SLC38A10: variants seen among roughly 807,000 people sequenced by gnomAD.
The protein encoded by SLC38A10 is Sodium-coupled neutral amino acid transporter 10.
In SLC38A10, 53 loss-of-function variants were observed where a neutral mutation model predicts 81.0. That is an observed-to-expected ratio of 0.65 (90% CI 0.53 to 0.82). The LOEUF (loss-of-function observed/expected upper bound fraction) is 0.82. SLC38A10 is among the 40% of genes least tolerant of loss of function. The probability of loss-of-function intolerance (pLI) is 0.00; values close to 1 mark genes in which losing one functional copy is unlikely to be tolerated. For synonymous variants in SLC38A10, 665 were observed against 655.3 expected, an observed-to-expected ratio of 1.01 and a Z score of -0.23; for missense variants, 1,471 against 1,545.0, an observed-to-expected ratio of 0.95 and a Z score of 0.80.
rs765169845 is a variant in SLC38A10 at position 81,270,934 on chromosome 17, T to C, written c.1115A>G (p.Asn372Ser). Residue 372 changes from asparagine (N) to serine (S), a missense_variant, in exon 10 of 16, where the codon AAC becomes AGC. Coordinates refer to ENST00000374759, the MANE Select transcript of SLC38A10 (RefSeq NM_001037984.3). This position sits in a 1 kb window ranked among gnomAD's most constrained non-coding sequence, Gnocchi z 4.0. ...AGCACGCACCTGGGAGGAAAGTGCGTTCTTGTGGATTTTCTTGTAGATCAG... is the reference window on the plus strand; with the variant it reads ...AGCACGCACCTGGGAGGAAAGTGCGCTCTTGTGGATTTTCTTGTAGATCAG... ...PALIYKKIHK[N>S]ALSSQVVLWV... The C allele has an allele frequency of 6.2e-7, 1 of 1,613,816 alleles. No homozygotes were observed. Among genetic ancestry groups the C allele is most frequent in the Non-Finnish European group, 8.5e-7 (1 of 1,179,944 alleles).
chr17:81,255,993 C>A (rs1484091099), intron 11 of SLC38A10, among the ~76,000 whole-genome samples: 1 of 143,124 alleles, frequency 7.0e-6, no homozygotes, highest in Non-Finnish European at 1.5e-5. Context: ...AAAAAAAAAT[C>A]ATCTCCAGTC....
intron 14 of SLC38A10, among the ~76,000 whole-genome samples, chr17:81,250,261 T>C (rs553983711): frequency 1.1e-4 from 16 of 152,332 alleles, no homozygotes; most frequent in Admixed American, 8.5e-4. Context: ...AAACCCCACA[T>C]GCCCGAACTC....
At position 81,251,597 on chromosome 17, in the gene SLC38A10, A is replaced by C. The variant is rs1353533353; in HGVS notation, c.1961T>G (p.Leu654Arg). 6.7e-7 allele frequency: 1 copy of C among 1,490,712 alleles called. No homozygotes were observed. The highest frequency in any genetic ancestry group is 8.9e-7 in the Non-Finnish European group (1 of 1,127,690). 92.3% of individuals were successfully genotyped at this position (1,490,712 alleles called of 1,614,324 possible). A position where few individuals can be genotyped will look rare whatever the true frequency, so the allele number is the denominator to read the frequency against. ...CCCTGGAGCCGGCTTCTCCGCTGGG[A>C]GGGGAGGCTTCCCACCTGCACACAC... ...EDSDHGGKPP[L>R]PAEKPAPGPG... The change falls in exon 14 of 16, where the codon CTC (leucine) becomes CGC (arginine). Residue 654 changes from leucine to arginine, a missense_variant. Leu to Arg is a moderately radical substitution (Grantham distance 102, BLOSUM62 -2). This residue lies in a region of SLC38A10 where 751 missense variants were observed against 717.4 expected (regional missense o/e 1.05). Coordinates refer to ENST00000374759, the MANE Select transcript of SLC38A10 (RefSeq NM_001037984.3).
At chr17:81,263,074 C>G (rs373316604) in intron 10 of SLC38A10, 1 of 152,202 alleles carries the variant, frequency 6.6e-6, no homozygotes, top group African/African-American at 2.4e-5. Context: ...GCCCTGAGTG[C>G]GAAGCTGATC....
rs2062850219 is a variant in SLC38A10, at chr17:81,246,302, C to T, written c.2614G>A (p.Glu872Lys). The change falls in exon 16 of 16, where the codon GAG (glutamate) becomes AAG (lysine). Residue 872 changes from glutamate (E) to lysine (K), a missense_variant. By Grantham distance (56) the Glu-to-Lys change is moderately conservative (BLOSUM62 1). Around this residue, in one of 2 missense-constraint regions of SLC38A10, gnomAD observed 751 missense variants for 717.4 expected, o/e 1.05. Coordinates refer to ENST00000374759, the MANE Select transcript of SLC38A10 (RefSeq NM_001037984.3). ...CCAGGGAATTCCTCTGCGAGGCGCT[C>T]CTCTGGGCCCCCGGCTTCCCTGGCG... ...DPAREAGGPEERLAEEFPGQS... is the reference protein window; with the variant it reads ...DPAREAGGPEKRLAEEFPGQS... 6.2e-7 allele frequency: 1 copy of T among 1,611,348 alleles called. No homozygotes were observed. Among genetic ancestry groups the T allele is most frequent in the Non-Finnish European group, 8.5e-7 (1 of 1,179,892 alleles).
chr17:81,291,486 C>CAA (rs397856930), intron 1 of SLC38A10, among the ~76,000 whole-genome samples: 4 of 112,036 alleles, frequency 3.6e-5, no homozygotes, highest in South Asian at 3.2e-4. Flanking sequence ...GACTCCATCT[C>CAA]AAAAAAAAAA....
intron 2 of SLC38A10, 110 bp from the exon 3 acceptor site, chr17:81,285,005 A>T: frequency 4.4e-6 from 4 of 905,476 alleles, no homozygotes. Context: ...CCACGGGCCC[A>T]GATTCTCCGG....
rs778062018 is a variant in SLC38A10, at chr17:81,246,338, C to T, written c.2578G>A (p.Val860Met). Residue 860 changes from valine to methionine, a missense_variant, in exon 16 of 16, where the codon GTG (valine) becomes ATG (methionine). By Grantham distance (21) the Val-to-Met change is conservative. Transcript: ENST00000374759. ...CCGGCTTCCCTGGCGGGGTCTGGCA[C>T]GGGCACCTGCTCCGGGCCCTTGGGG... ...ELPKGPEQVPVPDPAREAGGP... is the reference protein window; with the variant it reads ...ELPKGPEQVPMPDPAREAGGP... The T allele has an allele frequency of 8.4e-5, 135 of 1,607,742 alleles. No homozygotes were observed. In the Admixed American group the frequency reaches 1.9e-3, roughly 23 times the overall value.
At chr17:81,250,519 C>T (rs1268367433) in intron 14 of SLC38A10, among the ~76,000 whole-genome samples, 1 of 152,242 alleles carries the variant, frequency 6.6e-6, no homozygotes, top group South Asian at 2.1e-4. Flanking sequence ...AGCTCCCACA[C>T]CTGCTCCCAG....
rs1447327404 is a variant in SLC38A10 at position 81,246,901 on chromosome 17, C to T, written c.2226G>A (p.Glu742=). 2.5e-6 allele frequency: 4 copies of T among 1,600,354 alleles called. No individual in the cohort carries two copies. The highest frequency in any genetic ancestry group is 2.2e-5 in the South Asian group (2 of 90,558). Residue 742 remains glutamate (E), a synonymous_variant, in exon 15 of 16, where the codon GAG becomes GAA. Transcript: ENST00000374759. ...CCGGCCTACCCTGCCTGGGTTTATC[C>T]TCCTCGTCCTCCTGCCTCTGCTGGT... ...EIHQQRQEDE[E]DKPRQVEVHQ...
intron 10 of SLC38A10, among the ~76,000 whole-genome samples, chr17:81,261,378 C>T (rs2063022280): frequency 6.6e-6 from 1 of 152,240 alleles, no homozygotes; most frequent in Admixed American, 6.5e-5. Context: ...GAAGCGCTAA[C>T]TCCCGGTTGG....
rs1462418886 is a variant in SLC38A10 at position 81,270,578 on chromosome 17, G to A, written c.1131+340C>T. On this transcript the variant is annotated intron_variant, in intron 10 of 15. Coordinates refer to ENST00000374759, the MANE Select transcript of SLC38A10 (RefSeq NM_001037984.3). The surrounding 1 kb of genome is among the most constrained non-coding windows in gnomAD (Gnocchi z 4.0). ...AACGGTGGGTGGTGGCCTCAGGGGT[G>A]GGCGGCTGGGGAGGGGACTCAGAGG... Among the ~76,000 whole-genome samples, 5 of 152,142 alleles carry A rather than the reference G, an allele frequency of 3.3e-5. No homozygotes were observed. In the East Asian group the frequency reaches 7.7e-4, roughly 23 times the overall value.
In SLC38A10 at chr17:81,272,519, T is replaced by C. The variant is rs773337587; in HGVS notation, c.1021A>G (p.Asn341Asp). 1 of 1,585,874 alleles carries C rather than the reference T, an allele frequency of 6.3e-7. No homozygotes were observed. The highest frequency in any genetic ancestry group is 8.6e-7 in the Non-Finnish European group (1 of 1,168,176). ...GTMVGGILIP[N>D]VETILGLTGA... ...CAGGGCAGCCCTCCCGCCTTACCGT[T>C]GGGGATAAGGATGCCACCAACCATG... The change falls in exon 9 of 16, where the codon AAC becomes GAC. Residue 341 changes from asparagine to aspartate, a missense_variant. Physicochemically the swap from Asn to Asp is conservative, Grantham distance 23. Around this residue, in one of 2 missense-constraint regions of SLC38A10, gnomAD observed 720 missense variants for 827.7 expected, o/e 0.87. Transcript: ENST00000374759.
Position 81,246,001 on chromosome 17 carries a change from T to C in SLC38A10, c.2915A>G (p.Gln972Arg), listed in dbSNP as rs771517554. 1.9e-6 allele frequency: 3 copies of C among 1,607,036 alleles called. No individual in the cohort carries two copies. The highest frequency in any genetic ancestry group is 1.7e-5 in the Admixed American group (1 of 59,700). ...GCCATGGTCCAGCCGGTGGCCCTGC[T>C]GTCCACCCTGCTCGCCATCAGAGAT... The part of the protein sequence containing the change: ...RVISDGEQGG[Q>R]QGHRLDHGGH... Residue 972 changes from glutamine (Q) to arginine (R), a missense_variant, in exon 16 of 16, where the codon CAG becomes CGG. By Grantham distance (43) the Gln-to-Arg change is conservative (BLOSUM62 1). Around this residue, in one of 2 missense-constraint regions of SLC38A10, gnomAD observed 751 missense variants for 717.4 expected, o/e 1.05. Coordinates refer to ENST00000374759, the MANE Select transcript of SLC38A10 (RefSeq NM_001037984.3).
rs369623544 is a variant in SLC38A10, at chr17:81,286,119, G to C, written c.218-1224C>G. Among the ~76,000 whole-genome samples the C allele has an allele frequency of 1.2e-4, 18 of 152,188 alleles. No homozygotes were observed. The highest frequency in any genetic ancestry group is 3.6e-4 in the African/African-American group (15 of 41,446). On this transcript the variant is annotated intron_variant, in intron 2 of 15. Transcript: ENST00000374759. The surrounding 1 kb of genome is among the most constrained non-coding windows in gnomAD (Gnocchi z 6.0). Reference sequence around the variant, plus strand: ...GCAGCCCACAGCCCAGGGCCCTGCTGTCACCAAGGAACGCCCTCCACACCC... The same window carrying C: ...GCAGCCCACAGCCCAGGGCCCTGCTCTCACCAAGGAACGCCCTCCACACCC...
rs957922245 is a variant in SLC38A10, at chr17:81,252,329, T to G, written c.1811A>C (p.His604Pro). The G allele has an allele frequency of 6.2e-7, 1 of 1,612,826 alleles. No homozygotes were observed. The highest frequency in any genetic ancestry group is 8.5e-7 in the Non-Finnish European group (1 of 1,179,826). ...AGACAGCACTGCCTGGGGCCGAGGATGCAGGCCCCTGTCTCCTGGCCCCAG... is the reference window on the plus strand; with the variant it reads ...AGACAGCACTGCCTGGGGCCGAGGAGGCAGGCCCCTGTCTCCTGGCCCCAG... ...EDLGPGDRGLHPRPQAVLSEQ... is the reference protein window; with the variant it reads ...EDLGPGDRGLPPRPQAVLSEQ... The change falls in exon 13 of 16, where the codon CAT (histidine) becomes CCT (proline). Residue 604 changes from histidine to proline, a missense_variant. Physicochemically the swap from His to Pro is moderately conservative, Grantham distance 77. Coordinates refer to ENST00000374759, the MANE Select transcript of SLC38A10 (RefSeq NM_001037984.3).
At chr17:81,260,895 C>G (rs936906072) in intron 10 of SLC38A10, among the ~76,000 whole-genome samples, 5 of 152,272 alleles carry the variant, frequency 3.3e-5, no homozygotes, top group African/African-American at 1.2e-4. Context: ...CCATGCTGTC[C>G]GCAAAGCGAG....
chr17:81,273,155 G>A (rs1301290604), intron 8 of SLC38A10, among the ~76,000 whole-genome samples: 2 of 152,218 alleles, frequency 1.3e-5, no homozygotes, highest in Non-Finnish European at 2.9e-5. Flanking sequence ...AGAAGGGCAC[G>A]ATGAGGCCCT....
intron 5 of SLC38A10, 97 bp downstream of exon 5, chr17:81,282,092 G>C (rs569870426): frequency 6.5e-7 from 1 of 1,532,596 alleles, no homozygotes; most frequent in Non-Finnish European, 9.0e-7. Flanking sequence ...GGCAGCAGGC[G>C]GCCACACCAG....
Sources: gnomAD v4.1 joint callset for allele counts (sites outside exome capture counted in the v4.1 genomes callset) on GRCh38, gnomAD v4.1.1 for gene constraint, gnomAD v4.1.1 regional missense constraint, Gnocchi (gnomAD v3.1) non-coding constraint, MANE v1.5 for transcripts, NCBI Gene and HGNC (gene_info 2026-07-23, HGNC 2026-07-21) for gene names.